Variants in NSUN3 observed in about 807,000 individuals in gnomAD.
The protein encoded by NSUN3 is NOP2/Sun RNA methyltransferase 3.
In NSUN3, 24 loss-of-function variants were observed where a neutral mutation model predicts 36.8. The observed-to-expected ratio is 0.65, with a 90% CI of 0.47 to 0.92. NSUN3 has a LOEUF of 0.92. NSUN3 is among the 40% of genes least tolerant of loss of function. The probability of loss-of-function intolerance (pLI) is 0.00; values close to 1 mark genes in which losing one functional copy is unlikely to be tolerated. For missense variants in NSUN3, 381 were observed against 392.8 expected (o/e 0.97, Z 0.25); for synonymous variants, 146 against 145.2 (o/e 1.01, Z -0.04).
rs1448992175 is a variant in NSUN3 at position 94,130,213 on chromosome 3, T to C, written c.*3723T>C. 6.6e-6 allele frequency among the ~76,000 whole-genome samples: 1 copy of C among 152,118 alleles called. No homozygotes were observed. Among genetic ancestry groups the C allele is most frequent in the African/African-American group, 2.4e-5 (1 of 41,434 alleles). ...AATGTATAGACAGACTGTATAGATA[T>C]ATGAAGTGGGGGTGGGGGCCAAGGA... is the stretch of plus-strand genomic sequence containing the variant. On this transcript the variant is annotated 3_prime_UTR_variant, in exon 6 of 6. Transcript: ENST00000314622.
At chr3:94,080,136 T>C (rs1037615263) in intron 2 of NSUN3, among the ~76,000 whole-genome samples, 3 of 152,204 alleles carry the variant, frequency 2.0e-5, no homozygotes, top group Non-Finnish European at 4.4e-5. Flanking sequence ...GCTATTCCTT[T>C]CTGTTTGTTA....
intron 5 of NSUN3, 76 bp downstream of exon 5, chr3:94,095,230 C>G (rs990533153): frequency 3.5e-6 from 5 of 1,418,742 alleles, no homozygotes; most frequent in African/African-American, 1.4e-5. Context: ...ATGTCAGGCC[C>G]CCAGTGGAGG....
chr3:94,114,025 C>G (rs948956655), intron 5 of NSUN3, among the ~76,000 whole-genome samples: 40 of 152,266 alleles, frequency 2.6e-4, no homozygotes, highest in Middle Eastern at 3.4e-3. Context: ...AGGTTGTATG[C>G]TCTATAAAAG....
intron 5 of NSUN3, among the ~76,000 whole-genome samples, chr3:94,103,942 C>A (rs1390827405): frequency 2.0e-5 from 3 of 152,100 alleles, no homozygotes; most frequent in Non-Finnish European, 4.4e-5. Flanking sequence ...GGCAGGTGAC[C>A]CAATTAAATC....
rs184544112 is a variant in NSUN3, at chr3:94,103,707, C to G, written c.743+8553C>G. 7.2e-3 allele frequency among the ~76,000 whole-genome samples: 1,089 copies of G among 152,160 alleles called. 6 individuals carry two copies. Among genetic ancestry groups the G allele is most frequent in the Middle Eastern group, 0.031 (9 of 292 alleles). ...AATAGTCTTTGAAAACATGCCATTC[C>G]TTCATTTATTCAGGTAGTTAGGAAT... is the stretch of plus-strand genomic sequence containing the variant. On this transcript the variant is annotated intron_variant, in intron 5 of 5. Coordinates refer to ENST00000314622, the MANE Select transcript of NSUN3 (RefSeq NM_022072.5).
intron 2 of NSUN3, among the ~76,000 whole-genome samples, chr3:94,070,331 C>G (rs1056165009): frequency 1.3e-5 from 2 of 151,914 alleles, no homozygotes; most frequent in Admixed American, 1.3e-4. Context: ...TGTGGTGGTG[C>G]GTGCCTGTAG....
rs755803400 is a variant in NSUN3, at chr3:94,126,387, C to A, written c.920C>A (p.Thr307Asn). 4.3e-6 allele frequency: 7 copies of A among 1,614,030 alleles called. No individual in the cohort carries two copies. Among genetic ancestry groups the A allele is most frequent in the African/African-American group, 1.3e-5 (1 of 74,918 alleles). ...TCSHDFTFAP[T>N]GQECGLLVIP... ...TCCCACGACTTCACATTTGCTCCCACTGGCCAGGAATGTGGGCTCTTAGTG... is the reference window on the plus strand; with the variant it reads ...TCCCACGACTTCACATTTGCTCCCAATGGCCAGGAATGTGGGCTCTTAGTG... The change falls in exon 6 of 6, where the codon ACT becomes AAT. Residue 307 changes from threonine (T) to asparagine (N), a missense_variant. Transcript: ENST00000314622.
intron 5 of NSUN3, 108 bp from the exon 6 acceptor site, chr3:94,126,103 C>A: frequency 1.2e-6 from 1 of 857,958 alleles, no homozygotes; most frequent in Non-Finnish European, 1.8e-6. Context: ...TAATTGCAGT[C>A]TAAGTCAGAG....
At chr3:94,095,203 CA>C in intron 5 of NSUN3, 49 bp downstream of exon 5, 1 of 1,584,014 alleles carries the variant, frequency 6.3e-7, no homozygotes, top group Non-Finnish European at 8.7e-7. Flanking sequence ...ATGTAATTTA[CA>C]CAGGCATAAT....
In NSUN3 at chr3:94,095,231, C is replaced by T. The variant is rs186647042; in HGVS notation, c.743+77C>T. On this transcript the variant is annotated intron_variant, in intron 5 of 5. Coordinates refer to ENST00000314622, the MANE Select transcript of NSUN3 (RefSeq NM_022072.5). ...AGGCATAATAGAACATGTCAGGCCCCCAGTGGAGGGCTTGCTGTGTAGGTG... is the reference window on the plus strand; with the variant it reads ...AGGCATAATAGAACATGTCAGGCCCTCAGTGGAGGGCTTGCTGTGTAGGTG... 2.0e-5 allele frequency: 28 copies of T among 1,402,524 alleles called. No individual in the cohort carries two copies. In the East Asian group the frequency reaches 6.5e-4, roughly 33 times the overall value. The allele number at this position is 1,402,524 out of a possible 1,614,324, so 86.9% of individuals were successfully genotyped here. A position where few individuals can be genotyped will look rare whatever the true frequency, so the allele number is the denominator to read the frequency against.
At chr3:94,097,220 G>A (rs2077345428) in intron 5 of NSUN3, among the ~76,000 whole-genome samples, 1 of 152,162 alleles carries the variant, frequency 6.6e-6, no homozygotes, top group South Asian at 2.1e-4. Context: ...TAATACAAAT[G>A]AAGCAAAAGG....
intron 5 of NSUN3, among the ~76,000 whole-genome samples, chr3:94,096,939 T>C (rs769287039): frequency 1.3e-4 from 20 of 152,342 alleles, no homozygotes; most frequent in South Asian, 4.1e-4. Context: ...ACAGGCTTTC[T>C]GAGAATATTA....
chr3:94,088,944 C>G (rs896453250), intron 3 of NSUN3, among the ~76,000 whole-genome samples: 8 of 152,210 alleles, frequency 5.3e-5, no homozygotes, highest in Non-Finnish European at 1.0e-4. Context: ...GCTGGGATTA[C>G]AGGCATGAGC....
chr3:94,126,519 T>TCAGA lies in NSUN3; in HGVS notation c.*29_*30insCAGA. On this transcript the variant is annotated 3_prime_UTR_variant, in exon 6 of 6. Coordinates refer to ENST00000314622, the MANE Select transcript of NSUN3 (RefSeq NM_022072.5). Reference sequence around the variant, plus strand: ...GAATTTGTAAACTGTGTTTATGTGTTATTATATTTATATTTCTGAACTCAG... The same window carrying TCAGA: ...GAATTTGTAAACTGTGTTTATGTGTTCAGAATTATATTTATATTTCTGAACTCAG... 6.4e-7 allele frequency: 1 copy of TCAGA among 1,568,600 alleles called. No homozygotes were observed. Among genetic ancestry groups the TCAGA allele is most frequent in the Non-Finnish European group, 8.7e-7 (1 of 1,150,464 alleles).
chr3:94,117,561 A>T (rs2077445675), intron 5 of NSUN3, among the ~76,000 whole-genome samples: 2 of 152,160 alleles, frequency 1.3e-5, no homozygotes. Flanking sequence ...CTGTTCCATG[A>T]TACACTGAAA....
chr3:94,068,669 A>G (rs2077214195), intron 2 of NSUN3, among the ~76,000 whole-genome samples: 1 of 152,204 alleles, frequency 6.6e-6, no homozygotes, highest in Non-Finnish European at 1.5e-5. Context: ...TTTTACATGT[A>G]CTTTATAGAA....
intron 5 of NSUN3, among the ~76,000 whole-genome samples, chr3:94,125,725 A>T (rs2077482655): frequency 6.6e-6 from 1 of 152,218 alleles, no homozygotes; most frequent in Non-Finnish European, 1.5e-5. Flanking sequence ...TGGTCTGATT[A>T]TCATTTTCCA....
intron 5 of NSUN3, among the ~76,000 whole-genome samples, chr3:94,118,581 C>T (rs2077449559): frequency 6.6e-6 from 1 of 151,970 alleles, no homozygotes; most frequent in Non-Finnish European, 1.5e-5. Flanking sequence ...GACACAGGAT[C>T]ATTCAGGAGC....
chr3:94,092,163 G>A (rs2077317826), intron 3 of NSUN3, among the ~76,000 whole-genome samples: 1 of 152,114 alleles, frequency 6.6e-6, no homozygotes, highest in Non-Finnish European at 1.5e-5. Context: ...TCTTGTTGTG[G>A]ACTTTAACCA....
Sources: gnomAD v4.1 joint callset for allele counts (sites outside exome capture counted in the v4.1 genomes callset) on GRCh38, gnomAD v4.1.1 for gene constraint, MANE v1.5 for transcripts, NCBI Gene and HGNC (gene_info 2026-07-23, HGNC 2026-07-21) for gene names.